Variants in SRD5A2 observed in about 807,000 individuals in gnomAD.
The protein encoded by SRD5A2 is steroid 5 alpha-reductase 2.
In SRD5A2, 30 loss-of-function variants were observed where a neutral mutation model predicts 27.4. The observed-to-expected ratio is 1.10, with a 90% CI of 0.82 to 1.49. The LOEUF (loss-of-function observed/expected upper bound fraction) is 1.49. Among genes scored for constraint, SRD5A2 ranks in the 40% most tolerant of loss-of-function variants. The pLI is 0.00. For missense variants in SRD5A2, 348 were observed against 323.4 expected (o/e 1.08, Z -0.58); for synonymous variants, 141 against 133.6 (o/e 1.06, Z -0.38).
At chr2:31,634,156 G>T in the SRD5A2 span, among the ~76,000 whole-genome samples, 2 of 65,662 alleles carry the variant, frequency 3.0e-5, no homozygotes, top group African/African-American at 1.5e-4. Context: ...TCTTGCAACT[G>T]CAAAAAAAAA....
chr2:31,600,642 C>A, the SRD5A2 span, among the ~76,000 whole-genome samples: 11 of 151,578 alleles, frequency 7.3e-5, no homozygotes, highest in African/African-American at 2.7e-4. Context: ...TTTTAAAGAA[C>A]AACTAATACC....
chr2:31,623,789 T>C, the SRD5A2 span, among the ~76,000 whole-genome samples: 1 of 152,078 alleles, frequency 6.6e-6, no homozygotes, highest in Non-Finnish European at 1.5e-5. Flanking sequence ...CAATATCTAG[T>C]TTAGTAAGAG....
the SRD5A2 span, among the ~76,000 whole-genome samples, chr2:31,597,874 C>T: frequency 1.3e-5 from 2 of 152,082 alleles, no homozygotes; most frequent in African/African-American, 4.8e-5. Context: ...CTAGTATAAC[C>T]ACTGTGGAAA....
the SRD5A2 span, among the ~76,000 whole-genome samples, chr2:31,604,362 A>G: frequency 4.6e-5 from 7 of 151,838 alleles, no homozygotes; most frequent in African/African-American, 1.7e-4. Flanking sequence ...CTTGCAGATG[A>G]TATGTTCTCA....
chr2:31,583,631 AAAAAAAAG>A (rs1558379416), upstream of SRD5A2, among the ~76,000 whole-genome samples: 5 of 22,374 alleles, frequency 2.2e-4, no homozygotes, highest in Admixed American at 4.8e-4. Flanking sequence ...AAAAAAAACA[AAAAAAAAG>A]CAAAAAAAAA....
the SRD5A2 span, among the ~76,000 whole-genome samples, chr2:31,631,405 G>A: frequency 7.8e-4 from 119 of 152,154 alleles, no homozygotes; most frequent in Non-Finnish European, 1.5e-3. Context: ...TAGGACCTTA[G>A]AGGACACTCT....
the SRD5A2 span, among the ~76,000 whole-genome samples, chr2:31,613,363 A>G: frequency 2.1e-4 from 32 of 152,356 alleles, no homozygotes; most frequent in Admixed American, 1.8e-3. Flanking sequence ...GAGTCTGAAC[A>G]GACATTTCTC....
At chr2:31,592,969 A>G in the SRD5A2 span, among the ~76,000 whole-genome samples, 7 of 152,202 alleles carry the variant, frequency 4.6e-5, no homozygotes, top group Non-Finnish European at 7.3e-5. Flanking sequence ...AGGGACATGG[A>G]TGAAATTGGA....
chr2:31,583,438 G>C (rs1667115250), upstream of SRD5A2, among the ~76,000 whole-genome samples: 1 of 151,942 alleles, frequency 6.6e-6, no homozygotes, highest in African/African-American at 2.4e-5. Flanking sequence ...TAGAAAATTG[G>C]AACCAATAAT....
chr2:31,616,911 C>T, the SRD5A2 span, among the ~76,000 whole-genome samples: 1 of 152,026 alleles, frequency 6.6e-6, no homozygotes, highest in Non-Finnish European at 1.5e-5. Flanking sequence ...CCCATAATTC[C>T]TATGTGTTGT....
At chr2:31,592,304 C>T in the SRD5A2 span, among the ~76,000 whole-genome samples, 10 of 152,162 alleles carry the variant, frequency 6.6e-5, no homozygotes, top group Non-Finnish European at 1.3e-4. Context: ...GAGAAAACAA[C>T]AGCTAATTCC....
the SRD5A2 span, among the ~76,000 whole-genome samples, chr2:31,609,240 C>T: frequency 3.9e-5 from 6 of 152,050 alleles, no homozygotes; most frequent in African/African-American, 1.4e-4. Flanking sequence ...TACAGATTCA[C>T]TTCAATCCCT....
At chr2:31,583,540 C>A (rs949464242), upstream of SRD5A2, among the ~76,000 whole-genome samples, 4 of 148,506 alleles carry the variant, frequency 2.7e-5, no homozygotes, top group African/African-American at 1.0e-4. Flanking sequence ...CTCTTGCAAG[C>A]TGCACCTAGG....
chr2:31,533,889 C>G (rs1001798429), intron 1 of SRD5A2, 123 bp from the exon 2 acceptor site: 1 of 1,096,024 alleles, frequency 9.1e-7, no homozygotes. Flanking sequence ...TTCGCCTTAA[C>G]CCAATACAAA....
the SRD5A2 span, among the ~76,000 whole-genome samples, chr2:31,599,334 T>A: frequency 0.023 from 3,498 of 152,134 alleles, 67 homozygotes; most frequent in African/African-American, 0.051. Flanking sequence ...TATGGAACAT[T>A]TTATCCAATG....
At chr2:31,658,306 A>G in the SRD5A2 span, among the ~76,000 whole-genome samples, 1 of 152,110 alleles carries the variant, frequency 6.6e-6, no homozygotes, top group Admixed American at 6.6e-5. Context: ...CTAACATTAT[A>G]CCTAGAGGAA....
chr2:31,617,972 G>A, the SRD5A2 span, among the ~76,000 whole-genome samples: 2 of 152,098 alleles, frequency 1.3e-5, no homozygotes, highest in South Asian at 2.1e-4. Context: ...CTGGTACCAA[G>A]GTACTGTATT....
chr2:31,537,723 C>G (rs777189940), intron 1 of SRD5A2, among the ~76,000 whole-genome samples: 3 of 152,176 alleles, frequency 2.0e-5, no homozygotes, highest in Non-Finnish European at 4.4e-5. Context: ...TGAATGTGTT[C>G]CCCAAAATTT....
At chr2:31,613,995 A>G in the SRD5A2 span, among the ~76,000 whole-genome samples, 67 of 152,324 alleles carry the variant, frequency 4.4e-4, no homozygotes, top group African/African-American at 1.6e-3. Context: ...ACAATTCAAG[A>G]TAAGATTTGG....
Sources: gnomAD v4.1 joint callset for allele counts (sites outside exome capture counted in the v4.1 genomes callset) on GRCh38, gnomAD v4.1.1 for gene constraint, MANE v1.5 for transcripts, NCBI Gene and HGNC (gene_info 2026-07-23, HGNC 2026-07-21) for gene names.